TTC23L: variants seen among roughly 807,000 people sequenced by gnomAD.
The protein encoded by TTC23L is tetratricopeptide repeat domain 23 like.
Under a neutral mutation model 48.1 loss-of-function variants are expected in TTC23L, and 42 were observed. The ratio of observed to expected loss-of-function variants is 0.87; its 90% CI spans 0.68 to 1.13. The LOEUF is 1.13. TTC23L is among the 50% of genes most tolerant of loss of function. TTC23L has a pLI of 0.00. For missense variants in TTC23L, 391 were observed against 421.0 expected, an observed-to-expected ratio of 0.93 and a Z score of 0.62; for synonymous variants, 159 against 157.2, an observed-to-expected ratio of 1.01 and a Z score of -0.09.
chr5:34,845,928 G>A (rs1361495249), intron 3 of TTC23L, among the ~76,000 whole-genome samples: 1 of 152,166 alleles, frequency 6.6e-6, no homozygotes, highest in African/African-American at 2.4e-5. Flanking sequence ...CAGGTGCAGT[G>A]GCTCATGCGT....
intron 9 of TTC23L, among the ~76,000 whole-genome samples, chr5:34,891,676 A>G (rs1323604821): frequency 1.3e-5 from 2 of 152,238 alleles, no homozygotes; most frequent in African/African-American, 2.4e-5. Context: ...AATTTCAGAG[A>G]AAAAATGCAT....
chr5:34,850,624 G>A (rs1429971347), intron 4 of TTC23L, among the ~76,000 whole-genome samples: 1 of 152,194 alleles, frequency 6.6e-6, no homozygotes, highest in African/African-American at 2.4e-5. Flanking sequence ...AGTGGGCAAA[G>A]GGCAGTATCA....
intron 6 of TTC23L, 26 bp downstream of exon 6, chr5:34,864,588 A>G (rs764905093): frequency 6.3e-7 from 1 of 1,599,070 alleles, no homozygotes; most frequent in Non-Finnish European, 8.5e-7. Flanking sequence ...GGAGAAGCTG[A>G]GGCTTTTATG....
At chr5:34,917,367 C>T in the TTC23L span, among the ~76,000 whole-genome samples, 1 of 152,162 alleles carries the variant, frequency 6.6e-6, no homozygotes, top group Non-Finnish European at 1.5e-5. Context: ...AGCGTGGTGG[C>T]TCACGCCTGT....
intron 10 of TTC23L, among the ~76,000 whole-genome samples, chr5:34,898,925 G>A (rs1302379716): frequency 6.6e-6 from 1 of 152,210 alleles, no homozygotes; most frequent in African/African-American, 2.4e-5. Context: ...AGCTCCTTCA[G>A]TAATGGGAAA....
intron 4 of TTC23L, among the ~76,000 whole-genome samples, chr5:34,853,626 T>C (rs1350618582): frequency 2.0e-5 from 3 of 151,824 alleles, no homozygotes; most frequent in South Asian, 2.1e-4. Context: ...GCAAAGAAAA[T>C]AGAAGACTCA....
At chr5:34,908,898 CA>C in the TTC23L span, 1 of 1,611,916 alleles carries the variant, frequency 6.2e-7, no homozygotes, top group Non-Finnish European at 8.5e-7. Flanking sequence ...AGATACCTTA[CA>C]AGATAGGACT....
the TTC23L span, among the ~76,000 whole-genome samples, chr5:34,910,484 G>A: frequency 6.6e-6 from 1 of 151,238 alleles, no homozygotes; most frequent in Non-Finnish European, 1.5e-5. Flanking sequence ...CTGGAGTGCA[G>A]TGGCGCAATC....
At chr5:34,904,877 G>A in the TTC23L span, among the ~76,000 whole-genome samples, 1 of 152,160 alleles carries the variant, frequency 6.6e-6, no homozygotes, top group African/African-American at 2.4e-5. Flanking sequence ...TTAGTATGAG[G>A]AAATACTCTG....
At chr5:34,874,787 G>A (rs1265487732) in intron 8 of TTC23L, among the ~76,000 whole-genome samples, 1 of 151,498 alleles carries the variant, frequency 6.6e-6, no homozygotes, top group Non-Finnish European at 1.5e-5. Flanking sequence ...AAGAGTGAAA[G>A]ACAAAAATAT....
chr5:34,845,824 T>G, intron 3 of TTC23L, 151 bp downstream of exon 3: 1 of 768,708 alleles, frequency 1.3e-6, no homozygotes, highest in South Asian at 2.0e-5. Context: ...AGAGCCTACT[T>G]AGGTAGCCAG....
Position 34,875,321 on chromosome 5 carries a change from C to T in TTC23L, c.950-4860C>T, listed in dbSNP as rs534934206. On this transcript the variant is annotated intron_variant, in intron 8 of 10. Coordinates refer to ENST00000505624, the Ensembl canonical transcript of TTC23L. ...AGGGACATAACTAATAGGATAGATACATATATATAAAGGGGAGTTTATTAA... is the reference window on the plus strand; with the variant it reads ...AGGGACATAACTAATAGGATAGATATATATATATAAAGGGGAGTTTATTAA... Among the ~76,000 whole-genome samples, 7 of 152,160 alleles carry T rather than the reference C, an allele frequency of 4.6e-5. No homozygotes were observed. The East Asian group carries it at 1.4e-3, about 29-fold the overall frequency.
the TTC23L span, among the ~76,000 whole-genome samples, chr5:34,904,936 T>A: frequency 7.2e-5 from 11 of 152,232 alleles, no homozygotes; most frequent in Non-Finnish European, 1.5e-4. Context: ...GTTTTGCCAG[T>A]GAGAGCCACT....
At chr5:34,840,028 A>G (rs1002463581) in intron 1 of TTC23L, among the ~76,000 whole-genome samples, 19 of 152,220 alleles carry the variant, frequency 1.2e-4, no homozygotes, top group African/African-American at 4.3e-4. Context: ...AGTAGCTGGA[A>G]CTACAGGCGT....
At chr5:34,848,988 A>G (rs1313912657) in intron 3 of TTC23L, among the ~76,000 whole-genome samples, 1 of 152,248 alleles carries the variant, frequency 6.6e-6, no homozygotes, top group Non-Finnish European at 1.5e-5. Flanking sequence ...TAATAATAAT[A>G]ACAAGCTATT....
At chr5:34,847,276 A>C (rs1391544944) in intron 3 of TTC23L, among the ~76,000 whole-genome samples, 1 of 152,186 alleles carries the variant, frequency 6.6e-6, no homozygotes, top group African/African-American at 2.4e-5. Flanking sequence ...CCAGGCTAGA[A>C]GGATCATTTC....
At chr5:34,850,058 A>C (rs1759537581) in intron 3 of TTC23L, 127 bp from the exon 4 acceptor site, 1 of 1,099,390 alleles carries the variant, frequency 9.1e-7, no homozygotes, top group Non-Finnish European at 1.3e-6. Flanking sequence ...GATTAGACAC[A>C]GGATGAGAAG....
Position 34,850,214 on chromosome 5 carries a change from ATG to A in TTC23L, c.289_290del (p.Val97HisfsTer57). 3.1e-6 allele frequency: 5 copies of A among 1,613,920 alleles called. No individual in the cohort carries two copies. The highest frequency in any genetic ancestry group is 4.2e-6 in the Non-Finnish European group (5 of 1,179,828). ...CTCAAGCAAACAAGGAGCTGATTCG[ATG>A]TGTCATCCTTTCTCGGATTATTTTT... On this transcript the variant is annotated frameshift_variant, in exon 4 of 11. Coordinates refer to ENST00000505624, the Ensembl canonical transcript of TTC23L. LOFTEE classifies it high-confidence loss of function.
intron 9 of TTC23L, among the ~76,000 whole-genome samples, chr5:34,893,372 G>A (rs114569205): frequency 0.011 from 1,747 of 152,284 alleles, 27 homozygotes; most frequent in African/African-American, 0.041. Flanking sequence ...CCTGGCAATG[G>A]CTGTTAAGTT....
Sources: allele counts gnomAD v4.1 joint callset (sites outside exome capture counted in the v4.1 genomes callset), GRCh38; gene constraint gnomAD v4.1.1; transcripts MANE v1.5; gene names NCBI Gene and HGNC (gene_info 2026-07-23, HGNC 2026-07-21).